CHMP4C: variants seen among roughly 807,000 people sequenced by gnomAD.
The protein encoded by CHMP4C is charged multivesicular body protein 4C.
CHMP4C carries 28 observed loss-of-function variants against 29.0 expected under a neutral mutation model. The observed-to-expected ratio is 0.97, with a 90% CI of 0.72 to 1.32. The LOEUF (loss-of-function observed/expected upper bound fraction) is 1.32, where lower values mean the gene tolerates loss of function less well. Ranked by LOEUF, CHMP4C falls within the 40% of genes most tolerant of loss-of-function variation. The probability of loss-of-function intolerance (pLI) is 0.00; values close to 1 mark genes in which losing one functional copy is unlikely to be tolerated. For synonymous variants in CHMP4C, 106 were observed against 102.4 expected, an observed-to-expected ratio of 1.04 and a Z score of -0.21; for missense variants, 291 against 281.0, an observed-to-expected ratio of 1.04 and a Z score of -0.25.
At chr8:81,736,957 A>G (rs969198240) in intron 1 of CHMP4C, among the ~76,000 whole-genome samples, 3 of 152,230 alleles carry the variant, frequency 2.0e-5, no homozygotes, top group Non-Finnish European at 4.4e-5. Flanking sequence ...AGCAAAAAGA[A>G]TTTGAGTAAA....
At chr8:81,735,959 G>T (rs933129291) in intron 1 of CHMP4C, among the ~76,000 whole-genome samples, 3 of 151,906 alleles carry the variant, frequency 2.0e-5, no homozygotes, top group Non-Finnish European at 4.4e-5. Context: ...GGTGGAGCGT[G>T]TCTGTAATCC....
In CHMP4C at chr8:81,732,716, G is replaced by C. The variant is rs2130467179; in HGVS notation, c.90G>C (p.Arg30=). 6.2e-7 allele frequency: 1 copy of C among 1,601,372 alleles called. No homozygotes were observed. The highest frequency in any genetic ancestry group is 1.1e-5 in the South Asian group (1 of 88,638). Residue 30 remains arginine (R), a synonymous_variant, in exon 1 of 5, where the codon CGG becomes CGC. Coordinates refer to ENST00000297265, the MANE Select transcript of CHMP4C (RefSeq NM_152284.4). ...PSPQEALVRL[R]ETEEMLGKKQ... ...CCCAGGAGGCCCTGGTCCGACTTCG[G>C]GAGACTGAGGAGATGCTGGGCAAGA...
At chr8:81,751,406 A>G (rs1808901595) in intron 1 of CHMP4C, among the ~76,000 whole-genome samples, 3 of 152,146 alleles carry the variant, frequency 2.0e-5, no homozygotes, top group Admixed American at 2.0e-4. Context: ...TCAGGAACTA[A>G]TAAAATTGCA....
chr8:81,745,764 A>T (rs1191288062), intron 1 of CHMP4C, among the ~76,000 whole-genome samples: 2 of 152,184 alleles, frequency 1.3e-5, no homozygotes, highest in Admixed American at 6.5e-5. Context: ...CAAGGAGACA[A>T]AACCCCTGGC....
chr8:81,734,276 C>A (rs867315793), intron 1 of CHMP4C, among the ~76,000 whole-genome samples: 30 of 152,314 alleles, frequency 2.0e-4, no homozygotes, highest in African/African-American at 6.5e-4. Context: ...CCTTTGCCAT[C>A]TATTTGGATC....
intron 1 of CHMP4C, 45 bp from the exon 2 acceptor site, chr8:81,753,017 AGT>A: frequency 6.7e-6 from 10 of 1,499,442 alleles, no homozygotes; most frequent in Non-Finnish European, 9.0e-6. Context: ...CTCTTGATTT[AGT>A]GTCTCTTTCT....
chr8:81,747,158 G>A (rs574077951), intron 1 of CHMP4C, among the ~76,000 whole-genome samples: 3 of 152,236 alleles, frequency 2.0e-5, no homozygotes, highest in East Asian at 3.9e-4. Flanking sequence ...ATGAGTACAG[G>A]TCATGCATCA....
chr8:81,735,517 G>C (rs1485157979), intron 1 of CHMP4C, among the ~76,000 whole-genome samples: 2 of 152,176 alleles, frequency 1.3e-5, no homozygotes, highest in Non-Finnish European at 2.9e-5. Flanking sequence ...AATGGCCCCT[G>C]TGTGGCACAA....
chr8:81,750,302 T>C (rs1485377809), intron 1 of CHMP4C, among the ~76,000 whole-genome samples: 1 of 151,824 alleles, frequency 6.6e-6, no homozygotes, highest in Non-Finnish European at 1.5e-5. Context: ...AGAACATAGA[T>C]CAAAAAGACA....
At chr8:81,751,913 T>C (rs922578386) in intron 1 of CHMP4C, among the ~76,000 whole-genome samples, 3 of 151,866 alleles carry the variant, frequency 2.0e-5, no homozygotes, top group Non-Finnish European at 4.4e-5. Context: ...AGAGACAAAT[T>C]GTAATAAAAA....
At chr8:81,746,801 A>G (rs1204913085) in intron 1 of CHMP4C, among the ~76,000 whole-genome samples, 3 of 152,228 alleles carry the variant, frequency 2.0e-5, no homozygotes, top group Admixed American at 1.3e-4. Flanking sequence ...ACTTATTATT[A>G]CTAATGACTA....
intron 1 of CHMP4C, among the ~76,000 whole-genome samples, chr8:81,741,001 T>C (rs1307514650): frequency 1.3e-5 from 2 of 152,222 alleles, no homozygotes; most frequent in African/African-American, 4.8e-5. Context: ...AGCTATGAAC[T>C]CATATTGGCT....
At chr8:81,737,435 C>T (rs1808705905) in intron 1 of CHMP4C, among the ~76,000 whole-genome samples, 1 of 152,206 alleles carries the variant, frequency 6.6e-6, no homozygotes, top group Non-Finnish European at 1.5e-5. Flanking sequence ...GTATCAATAT[C>T]TCAGCACACT....
Position 81,759,257 on chromosome 8 carries a change from TGGA to T in CHMP4C, c.*714_*716del, listed in dbSNP as rs1440796254. ...ACCAATTAAGCTTGGAATGGGGCAA[TGGA>T]TGCATTTCCCAAAACGTGTGAAAGC... On this transcript the variant is annotated 3_prime_UTR_variant, in exon 5 of 5. Transcript: ENST00000297265. 11 of 152,592 alleles carry T rather than the reference TGGA, an allele frequency of 7.2e-5. No homozygotes were observed. Among genetic ancestry groups the T allele is most frequent in the African/African-American group, 2.7e-4 (11 of 41,452 alleles). 9.5% of individuals were successfully genotyped at this position (152,592 alleles called of 1,614,324 possible).
Position 81,753,119 on chromosome 8 carries a change from T to C in CHMP4C, c.246T>C (p.Ile82=). ...KKRFEKQLTQ[I]DGTLSTIEFQ... ...GGTTCGAGAAACAGCTCACTCAGAT[T>C]GATGGCACACTTTCTACCATTGAGT... Residue 82 remains isoleucine (I), a synonymous_variant, in exon 2 of 5, where the codon ATT becomes ATC. Transcript: ENST00000297265. 1 of 1,612,742 alleles carries C rather than the reference T, an allele frequency of 6.2e-7. No individual in the cohort carries two copies. The highest frequency in any genetic ancestry group is 8.5e-7 in the Non-Finnish European group (1 of 1,179,174).
intron 1 of CHMP4C, among the ~76,000 whole-genome samples, chr8:81,748,310 A>G (rs1057253278): frequency 6.6e-6 from 1 of 152,186 alleles, no homozygotes; most frequent in Non-Finnish European, 1.5e-5. Context: ...CAAATATCAC[A>G]TAGTCCTGAG....
intron 3 of CHMP4C, among the ~76,000 whole-genome samples, chr8:81,755,727 T>C (rs186328354): frequency 3.3e-4 from 50 of 152,344 alleles, no homozygotes; most frequent in African/African-American, 1.2e-3. Context: ...TGTGATTGTG[T>C]AAAGTTAGTG....
chr8:81,756,214 A>G (rs1365245301), intron 3 of CHMP4C, among the ~76,000 whole-genome samples: 2 of 152,174 alleles, frequency 1.3e-5, no homozygotes, highest in Non-Finnish European at 2.9e-5. Flanking sequence ...AATGGTGTAG[A>G]CAAGGGGTCA....
In CHMP4C at chr8:81,749,510, G is replaced by A. The variant is rs74805748; in HGVS notation, c.191-3554G>A. On this transcript the variant is annotated intron_variant, in intron 1 of 4. Coordinates refer to ENST00000297265, the MANE Select transcript of CHMP4C (RefSeq NM_152284.4). ...AGGGCTTATAATTAGGCATAGGAGA[G>A]GTGAGGTAGGATACATTTTAGACAT... Among the ~76,000 whole-genome samples the A allele has an allele frequency of 7.4e-4, 112 of 152,294 alleles. No homozygotes were observed. In the East Asian group the frequency reaches 0.02, roughly 27 times the overall value.
Sources: gnomAD v4.1 joint callset for allele counts (sites outside exome capture counted in the v4.1 genomes callset) on GRCh38, gnomAD v4.1.1 for gene constraint, MANE v1.5 for transcripts, NCBI Gene and HGNC (gene_info 2026-07-23, HGNC 2026-07-21) for gene names.